Variants in PDGFRL observed in about 807,000 individuals in gnomAD.
The protein encoded by PDGFRL is platelet-derived growth factor receptor-like protein.
In PDGFRL, 46 loss-of-function variants were observed where a neutral mutation model predicts 37.2. The ratio of observed to expected loss-of-function variants is 1.24; its 90% CI spans 0.98 to 1.58. The LOEUF (loss-of-function observed/expected upper bound fraction) is 1.58. PDGFRL is among the 40% of genes most tolerant of loss of function. PDGFRL has a pLI of 0.00. For missense variants in PDGFRL, 692 were observed against 467.6 expected (o/e 1.48, Z -4.43); for synonymous variants, 251 against 184.3 (o/e 1.36, Z -2.93).
chr8:17,633,849 C>T (rs1392530305), intron 4 of PDGFRL, among the ~76,000 whole-genome samples: 1 of 152,160 alleles, frequency 6.6e-6, no homozygotes, highest in African/African-American at 2.4e-5. Flanking sequence ...GGAGGCTGTC[C>T]TGGGAGTCCT....
In PDGFRL at chr8:17,613,547, A is replaced by G. The variant is rs71526139; in HGVS notation, c.354-7504A>G. Among the ~76,000 whole-genome samples, 1,340 of 152,172 alleles carry G rather than the reference A, an allele frequency of 8.8e-3. 9 individuals are homozygous for G. Among genetic ancestry groups the G allele is most frequent in the Non-Finnish European group, 0.011 (744 of 68,002 alleles). Reference sequence around the variant, plus strand: ...ATGTAGCGTGTGCAGTCTCCCGTGAAGTAGTGGGGAAGTGCTTAGGGTGAC... The same window carrying G: ...ATGTAGCGTGTGCAGTCTCCCGTGAGGTAGTGGGGAAGTGCTTAGGGTGAC... On this transcript the variant is annotated intron_variant, in intron 2 of 5. Transcript: ENST00000251630.
intron 2 of PDGFRL, among the ~76,000 whole-genome samples, chr8:17,609,937 A>G (rs1293992317): frequency 6.6e-6 from 1 of 152,174 alleles, no homozygotes; most frequent in East Asian, 1.9e-4. Context: ...TCAAAGTGGC[A>G]TTGTTATGAG....
chr8:17,626,855 TAA>T (rs148423298), intron 3 of PDGFRL, among the ~76,000 whole-genome samples: 2,986 of 152,188 alleles, frequency 0.02, 52 homozygotes, highest in Non-Finnish European at 0.032. Flanking sequence ...TTCAGTAAGA[TAA>T]AAATGCCATC....
chr8:17,634,227 C>A lies in PDGFRL; in HGVS notation c.939+14C>A. ...CCAGGGCAGAAGGTAAGTGTTGTAC[C>A]TGCATCTCAGCCCCTGCGTCTCAGC... On this transcript the variant is annotated intron_variant, in intron 5 of 5. Transcript: ENST00000251630. 1 of 1,593,896 alleles carries A rather than the reference C, an allele frequency of 6.3e-7. No individual in the cohort carries two copies. The highest frequency in any genetic ancestry group is 8.6e-7 in the Non-Finnish European group (1 of 1,167,264).
chr8:17,605,604 G>A (rs536797355), intron 2 of PDGFRL, among the ~76,000 whole-genome samples: 38 of 152,278 alleles, frequency 2.5e-4, no homozygotes, highest in Middle Eastern at 3.4e-3. Context: ...GGGTCTGGAC[G>A]AAGGCTTAAA....
intron 2 of PDGFRL, among the ~76,000 whole-genome samples, chr8:17,618,803 C>G (rs537836948): frequency 6.6e-6 from 1 of 152,250 alleles, no homozygotes; most frequent in Non-Finnish European, 1.5e-5. Context: ...CAGTTCCTGC[C>G]TCAAAGCTTG....
rs114205954 is a variant in PDGFRL at position 17,595,629 on chromosome 8, C to T, written c.353+5864C>T. On this transcript the variant is annotated intron_variant, in intron 2 of 5. Transcript: ENST00000251630. ...GAGCCCAGGGCTTGACCTCAGAGCT[C>T]CCCTGTCCAACAGGAGAGGAGTGTG... 8.0e-3 allele frequency among the ~76,000 whole-genome samples: 1,217 copies of T among 152,274 alleles called. 20 individuals carry two copies. Among genetic ancestry groups the T allele is most frequent in the African/African-American group, 0.027 (1,133 of 41,554 alleles).
intron 2 of PDGFRL, among the ~76,000 whole-genome samples, chr8:17,599,619 C>T (rs55822715): frequency 0.24 from 36,741 of 152,090 alleles, 4,722 homozygotes; most frequent in African/African-American, 0.32. Context: ...GCCACGTGGC[C>T]GTGGCTGCCA....
In PDGFRL at chr8:17,642,884, GC is replaced by G; in HGVS notation, c.*85del. 1 of 853,814 alleles carries G rather than the reference GC, an allele frequency of 1.2e-6. No homozygotes were observed. The highest frequency in any genetic ancestry group is 1.9e-6 in the Non-Finnish European group (1 of 526,526). 52.9% of individuals were successfully genotyped at this position (853,814 alleles called of 1,614,324 possible). Reference sequence around the variant, plus strand: ...TTGGGGTTCCTTTTATTAGTGCTTTGCCAGAGGCTGATGTCAAGCACCACAC... The same window carrying G: ...TTGGGGTTCCTTTTATTAGTGCTTTGCAGAGGCTGATGTCAAGCACCACAC... On this transcript the variant is annotated 3_prime_UTR_variant, in exon 6 of 6. Coordinates refer to ENST00000251630, the MANE Select transcript of PDGFRL (RefSeq NM_001372073.1).
intron 2 of PDGFRL, among the ~76,000 whole-genome samples, chr8:17,607,117 A>C (rs1480448840): frequency 6.6e-6 from 1 of 151,950 alleles, no homozygotes; most frequent in Non-Finnish European, 1.5e-5. Context: ...GCTGGTCTCA[A>C]ACTCCTGACC....
chr8:17,615,211 G>C (rs1804498889), intron 2 of PDGFRL, among the ~76,000 whole-genome samples: 1 of 152,058 alleles, frequency 6.6e-6, no homozygotes, highest in South Asian at 2.1e-4. Context: ...TTACCGGATG[G>C]TTTAGTGTTG....
At chr8:17,628,030 G>C (rs1804769700) in intron 3 of PDGFRL, among the ~76,000 whole-genome samples, 1 of 112,996 alleles carries the variant, frequency 8.8e-6, no homozygotes, top group Non-Finnish European at 1.6e-5. Flanking sequence ...GTCTGGCTCT[G>C]TCGCCCAGGC....
Position 17,621,212 on chromosome 8 carries a change from T to G in PDGFRL, c.505+10T>G. The G allele has an allele frequency of 6.3e-7, 1 of 1,592,558 alleles. No homozygotes were observed. Among genetic ancestry groups the G allele is most frequent in the Non-Finnish European group, 8.6e-7 (1 of 1,164,140 alleles). ...TACATCTTTTTTACAGGTAAAATAC[T>G]TGGTGCATTAATGGAACTCTTCAAA... On this transcript the variant is annotated intron_variant, in intron 3 of 5. Coordinates refer to ENST00000251630, the MANE Select transcript of PDGFRL (RefSeq NM_001372073.1).
intron 2 of PDGFRL, among the ~76,000 whole-genome samples, chr8:17,600,761 G>A (rs1804149273): frequency 6.6e-6 from 1 of 150,446 alleles, no homozygotes; most frequent in African/African-American, 2.5e-5. Context: ...TATGATCTGT[G>A]ACTGTGCTCC....
At chr8:17,602,952 G>A (rs1804197253) in intron 2 of PDGFRL, among the ~76,000 whole-genome samples, 1 of 152,164 alleles carries the variant, frequency 6.6e-6, no homozygotes, top group Non-Finnish European at 1.5e-5. Flanking sequence ...AAACAGTATA[G>A]AATTCATTTT....
chr8:17,636,685 A>G (rs1245186857), intron 5 of PDGFRL, among the ~76,000 whole-genome samples: 3 of 151,950 alleles, frequency 2.0e-5, no homozygotes, highest in East Asian at 3.9e-4. Flanking sequence ...AATTGCATTG[A>G]ATCTGTGGAT....
At position 17,628,651 on chromosome 8, in the gene PDGFRL, G is replaced by C. The variant is rs1260878537; in HGVS notation, c.670G>C (p.Val224Leu). 2 of 1,614,192 alleles carry C rather than the reference G, an allele frequency of 1.2e-6. No individual in the cohort carries two copies. The highest frequency in any genetic ancestry group is 1.3e-5 in the African/African-American group (1 of 75,054). The change falls in exon 4 of 6, where the codon GTT (valine) becomes CTT (leucine). Residue 224 changes from valine (V) to leucine (L), a missense_variant. Physicochemically the swap from Val to Leu is conservative, Grantham distance 32. Coordinates refer to ENST00000251630, the MANE Select transcript of PDGFRL (RefSeq NM_001372073.1). The stretch of plus-strand genomic sequence containing the variant: ...GATCCCAGCCAATGGAACGGACATT[G>C]TTTATGACATGAAGCGGGGCTTTGT... The part of the protein sequence containing the change: ...KEIPANGTDI[V>L]YDMKRGFVYL...
intron 2 of PDGFRL, among the ~76,000 whole-genome samples, chr8:17,591,807 G>C (rs552027815): frequency 6.6e-6 from 1 of 152,058 alleles, no homozygotes; most frequent in East Asian, 1.9e-4. Flanking sequence ...CCAGCTACTC[G>C]GAAGGCTGAG....
intron 1 of PDGFRL, among the ~76,000 whole-genome samples, chr8:17,586,953 T>C (rs575438355): frequency 1.3e-5 from 2 of 152,220 alleles, no homozygotes; most frequent in Non-Finnish European, 2.9e-5. Context: ...AAAAATTCAA[T>C]GGTAATGGAC....
Sources: allele counts gnomAD v4.1 joint callset (sites outside exome capture counted in the v4.1 genomes callset), GRCh38; gene constraint gnomAD v4.1.1; transcripts MANE v1.5; gene names NCBI Gene and HGNC (gene_info 2026-07-23, HGNC 2026-07-21).